The following ZMYM2 variants were observed in gnomAD, a reference collection of about 807,000 sequenced individuals.
ZMYM2 encodes the protein zinc finger MYM-type containing 2, also known as zinc finger MYM-type protein 2.
A neutral mutation model predicts 162.8 loss-of-function variants in ZMYM2; 56 were observed. The ratio of observed to expected loss-of-function variants is 0.34; its 90% confidence interval spans 0.28 to 0.43. The LOEUF is 0.43. Among genes scored for constraint, ZMYM2 ranks in the 20% least tolerant of loss-of-function variants. The pLI is 1.00. For missense variants in ZMYM2, 1,275 were observed against 1,621.8 expected, an observed-to-expected ratio of 0.79 and a Z score of 3.67; for synonymous variants, 510 against 541.6, an observed-to-expected ratio of 0.94 and a Z score of 0.81.
At chr13:20,069,606 A>G (rs569873243) in intron 21 of ZMYM2, among the ~76,000 whole-genome samples, 3 of 151,814 alleles carry the variant, frequency 2.0e-5, no homozygotes, top group Non-Finnish European at 4.4e-5. Flanking sequence ...TTCTCCTATT[A>G]ATAATGGTAT....
chr13:19,886,527 G>A, the ZMYM2 span, among the ~76,000 whole-genome samples: 86 of 151,994 alleles, frequency 5.7e-4, 1 homozygote, highest in African/African-American at 2.0e-3. Flanking sequence ...TCTTCTAAGC[G>A]TGGAGCCCTG....
chr13:20,027,257 C>A lies in ZMYM2; in HGVS notation c.1790C>A (p.Ala597Asp). The A allele has an allele frequency of 6.3e-7, 1 of 1,586,496 alleles. No homozygotes were observed. Among genetic ancestry groups the A allele is most frequent in the Non-Finnish European group, 8.6e-7 (1 of 1,164,536 alleles). Residue 597 changes from alanine to aspartate, a missense_variant, in exon 9 of 25, where the codon GCC (alanine) becomes GAC (aspartate). Transcript: ENST00000610343. ...CKRNSLPQYQ[A>D]TMPDGKLYNF... ...CGAAACTCTTTACCTCAATACCAAG[C>A]CACAATGCCTGATGGAAAACTGTAC...
At chr13:19,976,603 T>C (rs1461888459) in intron 2 of ZMYM2, among the ~76,000 whole-genome samples, 1 of 152,202 alleles carries the variant, frequency 6.6e-6, no homozygotes, top group Non-Finnish European at 1.5e-5. Context: ...ACCACCATTT[T>C]ACTTTCTGTT....
chr13:19,961,727 A>G (rs1328620480), intron 2 of ZMYM2, among the ~76,000 whole-genome samples: 1 of 152,242 alleles, frequency 6.6e-6, no homozygotes, highest in Non-Finnish European at 1.5e-5. Flanking sequence ...GCTTTTACGT[A>G]ATACCAGAAT....
chr13:20,008,431 A>C (rs114144015), intron 6 of ZMYM2, among the ~76,000 whole-genome samples: 228 of 152,308 alleles, frequency 1.5e-3, no homozygotes, highest in African/African-American at 5.4e-3. Context: ...ATTCCCGCCC[A>C]ATTGTTGTTA....
At chr13:19,947,533 C>T in the ZMYM2 span, among the ~76,000 whole-genome samples, 2 of 149,986 alleles carry the variant, frequency 1.3e-5, no homozygotes, top group African/African-American at 4.9e-5. Context: ...GATCTTGGCT[C>T]ACTGCAACTT....
Position 19,959,629 on chromosome 13 carries a change from A to G in ZMYM2, c.-79-329A>G, listed in dbSNP as rs1566151040. On this transcript the variant is annotated intron_variant, in intron 1 of 24. Transcript: ENST00000610343. ...GACGGGGATGACGCTGGGTGGGCAAATTTAGGAGGGAATACAAATCCCTTG... is the reference window on the plus strand; with the variant it reads ...GACGGGGATGACGCTGGGTGGGCAAGTTTAGGAGGGAATACAAATCCCTTG... 2.6e-5 allele frequency among the ~76,000 whole-genome samples: 4 copies of G among 152,176 alleles called. 1 individual carries two copies. Among genetic ancestry groups the G allele is most frequent in the African/African-American group, 9.6e-5 (4 of 41,518 alleles).
At chr13:20,048,886 A>G (rs1263858289) in intron 12 of ZMYM2, among the ~76,000 whole-genome samples, 3 of 151,566 alleles carry the variant, frequency 2.0e-5, no homozygotes, top group African/African-American at 7.3e-5. Context: ...TAGATGATGC[A>G]GTATTTTTAA....
intron 13 of ZMYM2, among the ~76,000 whole-genome samples, 200 bp from the exon 14 acceptor site, chr13:20,052,077 G>A (rs1328024604): frequency 6.6e-6 from 1 of 152,002 alleles, no homozygotes; most frequent in South Asian, 2.1e-4. Flanking sequence ...CAGAGGGGAC[G>A]AAAGGAGAAA....
upstream of ZMYM2, among the ~76,000 whole-genome samples, chr13:19,957,785 C>T (rs564959510): frequency 7.9e-5 from 12 of 152,364 alleles, no homozygotes; most frequent in Admixed American, 3.9e-4. Flanking sequence ...GCCTCAGCCC[C>T]TCCAACCGGT....
intron 15 of ZMYM2, among the ~76,000 whole-genome samples, chr13:20,059,141 C>T (rs1956038051): frequency 6.6e-6 from 1 of 151,216 alleles, no homozygotes; most frequent in African/African-American, 2.4e-5. Context: ...ATTAAATAAG[C>T]CTTTGGGGAG....
the ZMYM2 span, among the ~76,000 whole-genome samples, chr13:19,931,619 A>AGTTTTCTTTTTT: frequency 2.8e-4 from 43 of 152,104 alleles, no homozygotes; most frequent in Non-Finnish European, 4.7e-4. Flanking sequence ...TATGCACCAA[A>AGTTTTCTTTTTT]GTTTTCTTTT....
the ZMYM2 span, among the ~76,000 whole-genome samples, chr13:19,868,744 AATT>A: frequency 1.3e-5 from 2 of 151,972 alleles, no homozygotes; most frequent in African/African-American, 2.4e-5. Flanking sequence ...AATAGAACCA[AATT>A]ATTATTATTA....
In ZMYM2 at chr13:20,006,593, C is replaced by G. The variant is rs558004858; in HGVS notation, c.1512+7C>G. The G allele has an allele frequency of 1.2e-6, 2 of 1,612,828 alleles. No individual in the cohort carries two copies. Among genetic ancestry groups the G allele is most frequent in the Admixed American group, 3.3e-5 (2 of 59,950 alleles). Reference sequence around the variant, plus strand: ...TGTCAGTGAATACAAACAGGTAATTCATGTTCTAATCAAAATTGGGCATTC... The same window carrying G: ...TGTCAGTGAATACAAACAGGTAATTGATGTTCTAATCAAAATTGGGCATTC... On this transcript the variant is annotated splice_region_variant and intron_variant, in intron 6 of 24. Transcript: ENST00000610343.
the ZMYM2 span, among the ~76,000 whole-genome samples, chr13:19,926,360 A>ATTT: frequency 2.4e-4 from 25 of 105,386 alleles, no homozygotes; most frequent in Non-Finnish European, 3.9e-4. Context: ...AGGACTACTT[A>ATTT]TTTTTTTTTT....
chr13:19,931,283 T>C, the ZMYM2 span, among the ~76,000 whole-genome samples: 3 of 152,260 alleles, frequency 2.0e-5, no homozygotes, highest in Non-Finnish European at 2.9e-5. Context: ...TCAGTATTTT[T>C]CCCCCCATCA....
the ZMYM2 span, among the ~76,000 whole-genome samples, chr13:19,875,728 G>C: frequency 1.3e-5 from 2 of 150,146 alleles, no homozygotes; most frequent in Admixed American, 1.3e-4. Context: ...CACCAAAACA[G>C]AAAACCAAAT....
At chr13:19,959,561 A>G (rs2312995) in intron 1 of ZMYM2, among the ~76,000 whole-genome samples, 149,792 of 152,244 alleles carry the variant, frequency 0.98, 73,739 homozygotes, top group Middle Eastern at 1. Flanking sequence ...TCGGCCCAGC[A>G]GTGACGTGAG....
chr13:20,042,333 C>T (rs965470776), intron 12 of ZMYM2, among the ~76,000 whole-genome samples: 7 of 152,102 alleles, frequency 4.6e-5, no homozygotes, highest in Middle Eastern at 3.4e-3. Context: ...GTCTTTCTTC[C>T]GCTTGGTCTA....
Sources: gnomAD v4.1 joint callset for allele counts (sites outside exome capture counted in the v4.1 genomes callset) on GRCh38, gnomAD v4.1.1 for gene constraint, MANE v1.5 for transcripts, NCBI Gene and HGNC (gene_info 2026-07-23, HGNC 2026-07-21) for gene names.